UGT2B7: variants seen among roughly 807,000 people sequenced by gnomAD.
The protein encoded by UGT2B7 is UDP glucuronosyltransferase family 2 member B7.
UGT2B7 carries 51 observed loss-of-function variants against 51.9 expected under a neutral mutation model. The ratio of observed to expected loss-of-function variants is 0.98; its 90% CI spans 0.78 to 1.24. The LOEUF (loss-of-function observed/expected upper bound fraction) is 1.24, where lower values mean the gene tolerates loss of function less well. UGT2B7 is among the 50% of genes most tolerant of loss of function. UGT2B7 has a pLI of 0.00. For missense variants in UGT2B7, 727 were observed against 628.4 expected (o/e 1.16, Z -1.68); for synonymous variants, 225 against 211.6 (o/e 1.06, Z -0.55).
chr4:69,053,372 A>G (rs555173688), intron 1 of UGT2B7, among the ~76,000 whole-genome samples: 1 of 152,224 alleles, frequency 6.6e-6, no homozygotes, highest in Non-Finnish European at 1.5e-5. Flanking sequence ...CTTAAAAAAA[A>G]CTTTGGCAAT....
At chr4:69,081,520 A>G (rs1347696027) in intron 1 of UGT2B7, among the ~76,000 whole-genome samples, 3 of 152,172 alleles carry the variant, frequency 2.0e-5, no homozygotes. Flanking sequence ...ACCTGTATAC[A>G]TCACACAAAG....
chr4:69,090,811 G>A (rs1452501418), intron 2 of UGT2B7, among the ~76,000 whole-genome samples: 7 of 152,164 alleles, frequency 4.6e-5, no homozygotes, highest in Non-Finnish European at 7.4e-5. Context: ...AATATTAGTC[G>A]ACACAGTTGC....
At chr4:69,064,765 C>A (rs755930949) in intron 1 of UGT2B7, among the ~76,000 whole-genome samples, 1 of 152,140 alleles carries the variant, frequency 6.6e-6, no homozygotes, top group East Asian at 1.9e-4. Context: ...GTATACACCC[C>A]AAGGTCTCTC....
intron 2 of UGT2B7, among the ~76,000 whole-genome samples, chr4:69,100,145 G>A (rs1719376894): frequency 6.6e-6 from 1 of 151,904 alleles, no homozygotes; most frequent in African/African-American, 2.4e-5. Flanking sequence ...GATGATTTTT[G>A]CCGTATGACA....
intron 1 of UGT2B7, among the ~76,000 whole-genome samples, chr4:69,056,841 A>T (rs1718215377): frequency 6.6e-6 from 1 of 152,192 alleles, no homozygotes; most frequent in Non-Finnish European, 1.5e-5. Flanking sequence ...AAAAAGTGAG[A>T]GTCTCAAAAG....
At chr4:69,073,072 A>G (rs372535868) in intron 1 of UGT2B7, among the ~76,000 whole-genome samples, 1 of 152,090 alleles carries the variant, frequency 6.6e-6, no homozygotes, top group Admixed American at 6.6e-5. Context: ...CAAATATATA[A>G]TAAGAATTGA....
intron 1 of UGT2B7, among the ~76,000 whole-genome samples, chr4:69,075,272 CA>C (rs1254436666): frequency 1.3e-5 from 2 of 152,086 alleles, no homozygotes; most frequent in African/African-American, 4.8e-5. Flanking sequence ...GCTTGCTTAG[CA>C]AATAAATTAT....
chr4:69,072,425 A>C (rs1007540552), intron 1 of UGT2B7, among the ~76,000 whole-genome samples: 1 of 152,214 alleles, frequency 6.6e-6, no homozygotes, highest in Non-Finnish European at 1.5e-5. Flanking sequence ...TTGTGAATTT[A>C]ATGATGAAAA....
chr4:69,077,315 G>A (rs1430538311), intron 1 of UGT2B7, among the ~76,000 whole-genome samples: 1 of 151,358 alleles, frequency 6.6e-6, no homozygotes, highest in Non-Finnish European at 1.5e-5. Flanking sequence ...TTCCAATTTT[G>A]GGAAGAAAGT....
intron 2 of UGT2B7, among the ~76,000 whole-genome samples, chr4:69,091,305 C>G (rs1719079273): frequency 6.6e-6 from 1 of 151,978 alleles, no homozygotes; most frequent in African/African-American, 2.4e-5. Context: ...TATTTGTTTT[C>G]CAAAACCACC....
At chr4:69,055,944 A>C (rs1718181562) in intron 1 of UGT2B7, among the ~76,000 whole-genome samples, 1 of 152,236 alleles carries the variant, frequency 6.6e-6, no homozygotes, top group Admixed American at 6.5e-5. Flanking sequence ...AAATCCATTC[A>C]GTAAATTTCC....
intron 1 of UGT2B7, among the ~76,000 whole-genome samples, chr4:69,069,420 C>A (rs7659138): frequency 6.6e-6 from 1 of 151,748 alleles, no homozygotes; most frequent in Admixed American, 6.6e-5. Flanking sequence ...AGGCTACAAA[C>A]ACTTGTTCTC....
At position 69,096,564 on chromosome 4, in the gene UGT2B7, G is replaced by A. The variant is rs1577920737; in HGVS notation, c.44G>A (p.Ser15Asn). 3 of 1,613,952 alleles carry A rather than the reference G, an allele frequency of 1.9e-6. No homozygotes were observed. Among genetic ancestry groups the A allele is most frequent in the Non-Finnish European group, 8.5e-7 (1 of 1,179,872 alleles). ...WTSVILLIQL[S>N]FCFSSGNCGK... ...TCAGTAATTTTGCTAATACAACTGA[G>A]CTTTTGCTTTAGCTCTGGGAATTGT... is the stretch of plus-strand genomic sequence containing the variant. The change falls in exon 1 of 6, where the codon AGC becomes AAC. Residue 15 changes from serine to asparagine, a missense_variant. Physicochemically the swap from Ser to Asn is conservative, Grantham distance 46. Coordinates refer to ENST00000305231, the MANE Select transcript of UGT2B7 (RefSeq NM_001074.4).
At chr4:69,106,726 C>T (rs983744157) in intron 3 of UGT2B7, among the ~76,000 whole-genome samples, 1 of 152,218 alleles carries the variant, frequency 6.6e-6, no homozygotes, top group African/African-American at 2.4e-5. Context: ...AGATTATAAG[C>T]AAGCCTTTTC....
Position 69,097,110 on chromosome 4 carries a change from T to A in UGT2B7, c.590T>A (p.Val197Asp). 6.2e-7 allele frequency: 1 copy of A among 1,613,738 alleles called. No individual in the cohort carries two copies. The highest frequency in any genetic ancestry group is 8.5e-7 in the Non-Finnish European group (1 of 1,179,718). The stretch of plus-strand genomic sequence containing the variant: ...TTCCCTCCTTCCTACGTACCTGTTG[T>A]TATGTCAGAATTAACTGATCAAATG... ...FIFPPSYVPV[V>D]MSELTDQMTF... is the part of the protein sequence containing the mutation. The change falls in exon 1 of 6, where the codon GTT becomes GAT. Residue 197 changes from valine (V) to aspartate (D), a missense_variant. Physicochemically the swap from Val to Asp is radical, Grantham distance 152. Coordinates refer to ENST00000305231, the MANE Select transcript of UGT2B7 (RefSeq NM_001074.4).
At chr4:69,087,038 T>C (rs1718976116) in intron 1 of UGT2B7, among the ~76,000 whole-genome samples, 1 of 151,510 alleles carries the variant, frequency 6.6e-6, no homozygotes, top group Non-Finnish European at 1.5e-5. Flanking sequence ...TGTATATCCT[T>C]TCTCTCTCGC....
At chr4:69,090,982 TTC>T (rs1458146836) in intron 2 of UGT2B7, among the ~76,000 whole-genome samples, 5 of 152,172 alleles carry the variant, frequency 3.3e-5, no homozygotes, top group African/African-American at 1.2e-4. Flanking sequence ...GCCCTCAAAT[TTC>T]TCTGTGATCC....
chr4:69,077,453 A>G (rs1457094166), intron 1 of UGT2B7, among the ~76,000 whole-genome samples: 1 of 151,724 alleles, frequency 6.6e-6, no homozygotes, highest in Admixed American at 6.6e-5. Context: ...GTCCTGTCTT[A>G]TTTTCTTAAG....
chr4:69,101,797 A>C (rs975865033), intron 2 of UGT2B7, among the ~76,000 whole-genome samples: 4 of 152,172 alleles, frequency 2.6e-5, no homozygotes, highest in African/African-American at 9.7e-5. Flanking sequence ...GGACAACGCA[A>C]GTCAGAATAA....
Sources: allele counts gnomAD v4.1 joint callset (sites outside exome capture counted in the v4.1 genomes callset), GRCh38; gene constraint gnomAD v4.1.1; transcripts MANE v1.5; gene names NCBI Gene and HGNC (gene_info 2026-07-23, HGNC 2026-07-21).